SLC9A9: variants seen among roughly 807,000 people sequenced by gnomAD.
SLC9A9 encodes sodium/hydrogen exchanger 9.
In SLC9A9, 62 loss-of-function variants were observed where a neutral mutation model predicts 77.8. The ratio of observed to expected loss-of-function variants is 0.80; its 90% CI spans 0.65 to 0.98. The LOEUF is 0.98. Among genes scored for constraint, SLC9A9 ranks in the 50% least tolerant of loss-of-function variants. The probability of loss-of-function intolerance (pLI) is 0.00; values close to 1 mark genes in which losing one functional copy is unlikely to be tolerated. For missense variants in SLC9A9, 775 were observed against 774.9 expected (o/e 1.00, Z 0.00); for synonymous variants, 320 against 283.5 (o/e 1.13, Z -1.29).
At chr3:143,381,807 A>G (rs1245309123) in intron 13 of SLC9A9, 6 of 510,146 alleles carry the variant, frequency 1.2e-5, no homozygotes, top group Non-Finnish European at 2.1e-5. Context: ...GCCATCATAT[A>G]CTTTGTAAAG....
chr3:143,487,802 A>T (rs2035677393), intron 11 of SLC9A9, among the ~76,000 whole-genome samples: 1 of 151,794 alleles, frequency 6.6e-6, no homozygotes, highest in South Asian at 2.1e-4. Flanking sequence ...ATCTCAAATC[A>T]AGAACCCAAC....
At chr3:143,667,671 A>G (rs971078847) in intron 5 of SLC9A9, among the ~76,000 whole-genome samples, 1 of 152,238 alleles carries the variant, frequency 6.6e-6, no homozygotes, top group African/African-American at 2.4e-5. Flanking sequence ...AAGTGGGTGA[A>G]TGATATGAAC....
intron 4 of SLC9A9, among the ~76,000 whole-genome samples, chr3:143,725,171 T>C (rs1171398456): frequency 2.0e-5 from 3 of 152,212 alleles, no homozygotes; most frequent in Admixed American, 6.5e-5. Flanking sequence ...TTCTTTATTC[T>C]AGCCTGGTGA....
At chr3:143,371,667 G>A (rs1433877291) in intron 13 of SLC9A9, among the ~76,000 whole-genome samples, 1 of 152,102 alleles carries the variant, frequency 6.6e-6, no homozygotes, top group African/African-American at 2.4e-5. Context: ...AAACACAAGT[G>A]AATATTTCAG....
At chr3:143,608,525 C>A (rs1280734448) in intron 6 of SLC9A9, among the ~76,000 whole-genome samples, 11 of 152,166 alleles carry the variant, frequency 7.2e-5, no homozygotes. Context: ...GGCCAAGGAC[C>A]ACCACGGTGG....
chr3:143,352,917 G>A (rs936296250), intron 14 of SLC9A9, among the ~76,000 whole-genome samples: 4 of 152,200 alleles, frequency 2.6e-5, no homozygotes, highest in African/African-American at 9.7e-5. Flanking sequence ...ACAGGACTCT[G>A]TGGCTCTGTG....
intron 14 of SLC9A9, among the ~76,000 whole-genome samples, chr3:143,328,166 A>G (rs1321628034): frequency 6.6e-6 from 1 of 152,234 alleles, no homozygotes; most frequent in Non-Finnish European, 1.5e-5. Context: ...CACGGAATGC[A>G]TAACACAACC....
At chr3:143,679,277 G>A (rs920426997) in intron 5 of SLC9A9, among the ~76,000 whole-genome samples, 14 of 152,174 alleles carry the variant, frequency 9.2e-5, no homozygotes, top group Admixed American at 7.9e-4. Context: ...GAAATGTCAG[G>A]ATCAGTGCAA....
intron 14 of SLC9A9, among the ~76,000 whole-genome samples, chr3:143,322,030 TTC>T (rs1462960885): frequency 6.6e-6 from 1 of 152,230 alleles, no homozygotes; most frequent in Non-Finnish European, 1.5e-5. Context: ...TTCCAATGAC[TTC>T]TCAGGAGAAG....
At chr3:143,722,634 C>G (rs1018056318) in intron 4 of SLC9A9, among the ~76,000 whole-genome samples, 8 of 152,020 alleles carry the variant, frequency 5.3e-5, no homozygotes, top group Non-Finnish European at 8.8e-5. Flanking sequence ...AATCCTCTGG[C>G]CTTAATTTTC....
intron 9 of SLC9A9, among the ~76,000 whole-genome samples, chr3:143,533,234 C>T (rs958315706): frequency 6.6e-6 from 1 of 152,240 alleles, no homozygotes; most frequent in African/African-American, 2.4e-5. Flanking sequence ...CCCTGGCTCA[C>T]AGCGACCTGG....
chr3:143,287,794 G>A (rs183980069), intron 14 of SLC9A9, among the ~76,000 whole-genome samples: 4 of 152,254 alleles, frequency 2.6e-5, no homozygotes, highest in East Asian at 3.9e-4. Flanking sequence ...GGGTGAAGAG[G>A]AGCATTCACA....
chr3:143,450,709 C>T (rs1433733998), intron 12 of SLC9A9, among the ~76,000 whole-genome samples: 1 of 152,098 alleles, frequency 6.6e-6, no homozygotes, highest in African/African-American at 2.4e-5. Context: ...TGAATAGACC[C>T]ATGGTGACAG....
At chr3:143,845,934 C>A (rs9824974) in intron 1 of SLC9A9, among the ~76,000 whole-genome samples, 12 of 152,260 alleles carry the variant, frequency 7.9e-5, no homozygotes, top group South Asian at 2.1e-4. Flanking sequence ...TCAGAGAACC[C>A]AACTTAATTC....
In SLC9A9 at chr3:143,670,610, T is replaced by C. The variant is rs906130792; in HGVS notation, c.650-18250A>G. Among the ~76,000 whole-genome samples the C allele has an allele frequency of 2.0e-5, 3 of 152,320 alleles. No individual in the cohort carries two copies. In the South Asian group the frequency reaches 6.2e-4, roughly 32 times the overall value. Reference sequence around the variant, plus strand: ...CATGGTTCTTCCAGCTGAGCTGTTATCTTCTTCATCTGGGCAAAATATTGG... The same window carrying C: ...CATGGTTCTTCCAGCTGAGCTGTTACCTTCTTCATCTGGGCAAAATATTGG... On this transcript the variant is annotated intron_variant, in intron 5 of 15. Coordinates refer to ENST00000316549, the MANE Select transcript of SLC9A9 (RefSeq NM_173653.4).
intron 9 of SLC9A9, among the ~76,000 whole-genome samples, chr3:143,497,417 T>C (rs1288125770): frequency 1.3e-5 from 2 of 152,194 alleles, no homozygotes; most frequent in Non-Finnish European, 2.9e-5. Flanking sequence ...TGCATTTCTT[T>C]AGGCAGCATG....
intron 4 of SLC9A9, among the ~76,000 whole-genome samples, chr3:143,767,075 G>A (rs1304398992): frequency 6.6e-6 from 1 of 152,144 alleles, no homozygotes; most frequent in Non-Finnish European, 1.5e-5. Flanking sequence ...TGAGAATTCT[G>A]CTAATATTAT....
chr3:143,838,460 G>A (rs763138023), intron 1 of SLC9A9, among the ~76,000 whole-genome samples: 2 of 152,136 alleles, frequency 1.3e-5, no homozygotes, highest in African/African-American at 2.4e-5. Context: ...AGGAAGAATC[G>A]AGCGAGTTCC....
intron 2 of SLC9A9, among the ~76,000 whole-genome samples, chr3:143,824,052 T>A (rs1009760379): frequency 6.6e-6 from 1 of 152,114 alleles, no homozygotes. Context: ...GTTTGGAAGT[T>A]AGTATTTGCG....
Sources: allele counts gnomAD v4.1 joint callset (sites outside exome capture counted in the v4.1 genomes callset), GRCh38; gene constraint gnomAD v4.1.1; transcripts MANE v1.5; gene names NCBI Gene and HGNC (gene_info 2026-07-23, HGNC 2026-07-21).